PPP2R2B: variants seen among roughly 807,000 people sequenced by gnomAD.
PPP2R2B encodes serine/threonine-protein phosphatase 2A 55 kDa regulatory subunit B beta isoform.
PPP2R2B carries 5 observed loss-of-function variants against 46.0 expected under a neutral mutation model. The observed-to-expected ratio is 0.11, with a 90% CI of 0.06 to 0.23. The LOEUF (loss-of-function observed/expected upper bound fraction) is 0.23. Among genes scored for constraint, PPP2R2B ranks in the 10% least tolerant of loss-of-function variants. PPP2R2B has a pLI of 1.00. For synonymous variants in PPP2R2B, 215 were observed against 206.7 expected (o/e 1.04, Z -0.34); for missense variants, 367 against 575.0 (o/e 0.64, Z 3.70).
chr5:147,051,536 A>C (rs1252912711), intron 1 of PPP2R2B, among the ~76,000 whole-genome samples: 1 of 152,158 alleles, frequency 6.6e-6, no homozygotes. Flanking sequence ...TGGGTAGAGA[A>C]TAGCAGCATG....
intron 1 of PPP2R2B, among the ~76,000 whole-genome samples, chr5:146,958,542 C>A (rs537090570): frequency 6.6e-6 from 1 of 152,236 alleles, no homozygotes; most frequent in South Asian, 2.1e-4. Context: ...ATGAATTTTA[C>A]TAACTCTGTA....
At chr5:147,058,706 A>C (rs1757166642), upstream of PPP2R2B, among the ~76,000 whole-genome samples, 1 of 152,206 alleles carries the variant, frequency 6.6e-6, no homozygotes, top group Non-Finnish European at 1.5e-5. Context: ...AGAGAGAACA[A>C]ATTTGAAATT....
Position 146,886,288 on chromosome 5 carries a change from G to A in PPP2R2B, c.79+169377C>T, listed in dbSNP as rs148445420. Among the ~76,000 whole-genome samples the A allele has an allele frequency of 9.0e-3, 1,366 of 151,782 alleles. 22 individuals are homozygous for A. The highest frequency in any genetic ancestry group is 0.032 in the African/African-American group (1,304 of 41,364). Reference sequence around the variant, plus strand: ...CAGGAGGCGGAGCTTGCAGTGAGCCGAGACTGCGCCACAGCACTCCAGCCC... The same window carrying A: ...CAGGAGGCGGAGCTTGCAGTGAGCCAAGACTGCGCCACAGCACTCCAGCCC... On this transcript the variant is annotated intron_variant, in intron 1 of 8. Coordinates refer to the PPP2R2B transcript ENST00000336640.
At chr5:146,991,976 A>G (rs1753715853) in intron 1 of PPP2R2B, among the ~76,000 whole-genome samples, 1 of 152,180 alleles carries the variant, frequency 6.6e-6, no homozygotes, top group Non-Finnish European at 1.5e-5. Flanking sequence ...CATGGAATCC[A>G]TATCAAAATT....
intron 2 of PPP2R2B, among the ~76,000 whole-genome samples, chr5:146,866,992 C>T (rs1344960577): frequency 1.3e-5 from 2 of 152,198 alleles, no homozygotes; most frequent in African/African-American, 4.8e-5. Flanking sequence ...TGCATGTTTA[C>T]TGAGAGTCAT....
chr5:146,661,755 C>T (rs923675234), intron 5 of PPP2R2B, among the ~76,000 whole-genome samples: 1 of 152,092 alleles, frequency 6.6e-6, no homozygotes, highest in Non-Finnish European at 1.5e-5. Context: ...GTAATTCTGC[C>T]AGTTTTATCT....
intron 2 of PPP2R2B, among the ~76,000 whole-genome samples, chr5:146,794,997 A>G (rs1756436651): frequency 6.6e-6 from 1 of 152,154 alleles, no homozygotes; most frequent in Non-Finnish European, 1.5e-5. Flanking sequence ...TATGGGGGCA[A>G]AGGAGAAATA....
intron 2 of PPP2R2B, among the ~76,000 whole-genome samples, chr5:146,748,144 A>G (rs1254225509): frequency 6.6e-6 from 1 of 152,182 alleles, no homozygotes; most frequent in Admixed American, 6.5e-5. Context: ...TATGATCCCC[A>G]TTTAACCGAT....
At chr5:146,680,404 G>T (rs1291263161) in intron 5 of PPP2R2B, among the ~76,000 whole-genome samples, 1 of 144,536 alleles carries the variant, frequency 6.9e-6, no homozygotes, top group Non-Finnish European at 1.5e-5. Flanking sequence ...GTGGGGTGGG[G>T]TGGGGAGGGA....
At chr5:146,752,598 A>G (rs1753622060) in intron 2 of PPP2R2B, among the ~76,000 whole-genome samples, 1 of 152,230 alleles carries the variant, frequency 6.6e-6, no homozygotes, top group Non-Finnish European at 1.5e-5. Context: ...TTGAAATAAG[A>G]TCAGTAAAAG....
intron 2 of PPP2R2B, among the ~76,000 whole-genome samples, chr5:146,758,098 T>G (rs1753947865): frequency 6.6e-6 from 1 of 152,188 alleles, no homozygotes; most frequent in Non-Finnish European, 1.5e-5. Context: ...TCTGTTTATG[T>G]GATATTCTTT....
At chr5:147,019,544 G>A (rs1755163962) in intron 1 of PPP2R2B, among the ~76,000 whole-genome samples, 1 of 152,164 alleles carries the variant, frequency 6.6e-6, no homozygotes, top group African/African-American at 2.4e-5. Flanking sequence ...ACCTGGTGAA[G>A]TGAGATCTAA....
intron 2 of PPP2R2B, among the ~76,000 whole-genome samples, chr5:146,875,263 G>T (rs1283318395): frequency 6.6e-6 from 1 of 152,110 alleles, no homozygotes; most frequent in Admixed American, 6.5e-5. Context: ...CATAGAAGAT[G>T]CTCAAAGATG....
intron 2 of PPP2R2B, among the ~76,000 whole-genome samples, chr5:147,063,902 C>A (rs74388475): frequency 6.6e-6 from 1 of 152,150 alleles, no homozygotes; most frequent in Non-Finnish European, 1.5e-5. Flanking sequence ...GTGGTTTTAA[C>A]GTCTTTTCAA....
rs539598022 is a variant in PPP2R2B, at chr5:146,995,289, C to T, written c.79+60376G>A. On this transcript the variant is annotated intron_variant, in intron 1 of 8. Transcript: ENST00000336640. ...GTGCCTGCCTTTTTAAATGTTGTAT[C>T]CCCAGTACTTGCCCAGTTTCTGACA... Among the ~76,000 whole-genome samples, 3 of 152,238 alleles carry T rather than the reference C, an allele frequency of 2.0e-5. No homozygotes were observed. The East Asian group carries it at 5.8e-4, about 29-fold the overall frequency.
At chr5:146,813,549 G>C (rs1174798255) in intron 2 of PPP2R2B, among the ~76,000 whole-genome samples, 1 of 152,180 alleles carries the variant, frequency 6.6e-6, no homozygotes, top group East Asian at 1.9e-4. Context: ...ACTGGCAGCT[G>C]TCCGGGTCCT....
At chr5:146,599,399 T>C (rs1771555079) in intron 8 of PPP2R2B, among the ~76,000 whole-genome samples, 1 of 152,200 alleles carries the variant, frequency 6.6e-6, no homozygotes, top group African/African-American at 2.4e-5. Context: ...AATTGTCTGT[T>C]TGGCAAACTG....
chr5:146,930,594 T>C (rs1304319302), intron 1 of PPP2R2B, among the ~76,000 whole-genome samples: 1 of 151,994 alleles, frequency 6.6e-6, no homozygotes, highest in Non-Finnish European at 1.5e-5. Context: ...CAGGTTAAGG[T>C]GGTAATCTTT....
At chr5:146,954,905 G>A (rs1364026620) in intron 1 of PPP2R2B, among the ~76,000 whole-genome samples, 1 of 151,942 alleles carries the variant, frequency 6.6e-6, no homozygotes, top group Admixed American at 6.6e-5. Flanking sequence ...CATAGTGTAG[G>A]TATTTCCAAA....
Sources: allele counts gnomAD v4.1 joint callset (sites outside exome capture counted in the v4.1 genomes callset), GRCh38; gene constraint gnomAD v4.1.1; transcripts MANE v1.5; gene names NCBI Gene and HGNC (gene_info 2026-07-23, HGNC 2026-07-21).